CA10: variants seen among roughly 807,000 people sequenced by gnomAD.
The protein encoded by CA10 is carbonic anhydrase-related protein 10.
Under a neutral mutation model 44.2 loss-of-function variants are expected in CA10, and 14 were observed. The observed-to-expected ratio is 0.32, with a 90% CI of 0.21 to 0.50. The LOEUF (loss-of-function observed/expected upper bound fraction) is 0.50, where lower values mean the gene tolerates loss of function less well. CA10 is among the 20% of genes least tolerant of loss of function. CA10 has a pLI of 0.99. For missense variants in CA10, 350 were observed against 409.7 expected (o/e 0.85, Z 1.26); for synonymous variants, 159 against 141.6 (o/e 1.12, Z -0.87).
intron 4 of CA10, among the ~76,000 whole-genome samples, chr17:51,691,711 A>C (rs574991935): frequency 1.3e-5 from 2 of 152,332 alleles, no homozygotes; most frequent in South Asian, 4.1e-4. Context: ...CTTACATTTA[A>C]GTCTTTAATC....
At chr17:52,135,122 T>G in intron 1 of CA10, 1 of 377,062 alleles carries the variant, frequency 2.7e-6, no homozygotes, top group Non-Finnish European at 5.3e-6. Flanking sequence ...GGACCCCAGA[T>G]TAACCTTAAA....
chr17:51,773,120 C>A (rs1194180429), intron 3 of CA10, among the ~76,000 whole-genome samples: 2 of 152,200 alleles, frequency 1.3e-5, no homozygotes, highest in Admixed American at 6.5e-5. Flanking sequence ...TGGTAAGTAT[C>A]TGTTGAGTAA....
At position 51,677,234 on chromosome 17, in the gene CA10, G is replaced by A. The variant is rs192030246; in HGVS notation, c.466-23498C>T. ...CTCATGTTCAATTGTAATACTCAGC[G>A]TTGGAGGTGAGGCCTGGTGGGAGGT... On this transcript the variant is annotated intron_variant, in intron 4 of 8. Coordinates refer to ENST00000451037, the MANE Select transcript of CA10 (RefSeq NM_020178.5). Among the ~76,000 whole-genome samples, 106 of 152,290 alleles carry A rather than the reference G, an allele frequency of 7.0e-4. No homozygotes were observed. In the Middle Eastern group the frequency reaches 0.014, roughly 20 times the overall value.
chr17:52,101,243 T>C (rs1988532832), intron 1 of CA10, among the ~76,000 whole-genome samples: 1 of 152,222 alleles, frequency 6.6e-6, no homozygotes. Flanking sequence ...ATCTGACTAA[T>C]TTCTGCAACA....
intron 2 of CA10, among the ~76,000 whole-genome samples, chr17:51,951,808 C>T (rs969178374): frequency 4.6e-5 from 7 of 152,150 alleles, no homozygotes; most frequent in Middle Eastern, 3.2e-3. Flanking sequence ...CCTCGTGGAA[C>T]CTGCTGAGGT....
At chr17:51,737,302 A>C (rs962075322) in intron 4 of CA10, among the ~76,000 whole-genome samples, 3 of 152,172 alleles carry the variant, frequency 2.0e-5, no homozygotes, top group Admixed American at 6.5e-5. Flanking sequence ...CCCTAAGCAC[A>C]ATGCCTGAGA....
At chr17:51,691,026 C>G (rs1915176133) in intron 4 of CA10, among the ~76,000 whole-genome samples, 1 of 152,106 alleles carries the variant, frequency 6.6e-6, no homozygotes, top group Non-Finnish European at 1.5e-5. Context: ...AGAAATAATG[C>G]TGCAACAAAT....
At chr17:51,809,792 A>T (rs555247671) in intron 3 of CA10, among the ~76,000 whole-genome samples, 2 of 152,286 alleles carry the variant, frequency 1.3e-5, no homozygotes, top group East Asian at 3.9e-4. Context: ...GAAGGGAAGG[A>T]TGTGCTGGGT....
chr17:51,977,250 A>T (rs1984494841), intron 2 of CA10, among the ~76,000 whole-genome samples: 1 of 151,940 alleles, frequency 6.6e-6, no homozygotes, highest in Non-Finnish European at 1.5e-5. Context: ...CAAAATCCTG[A>T]CCAATACCTC....
chr17:51,748,552 A>G (rs78976133), intron 3 of CA10: 113 of 169,436 alleles, frequency 6.7e-4, no homozygotes, highest in Middle Eastern at 3.5e-3. Flanking sequence ...TGTGACCTCA[A>G]CAACAATTGA....
intron 4 of CA10, among the ~76,000 whole-genome samples, chr17:51,662,510 G>T (rs1217168490): frequency 6.6e-6 from 1 of 152,206 alleles, no homozygotes; most frequent in Non-Finnish European, 1.5e-5. Flanking sequence ...GAAAAGGAAA[G>T]GTGTTCTGTA....
chr17:51,779,998 G>A (rs1168866614), intron 3 of CA10, among the ~76,000 whole-genome samples: 1 of 152,120 alleles, frequency 6.6e-6, no homozygotes. Flanking sequence ...AGTGAGTAGT[G>A]TTCTGATCTA....
chr17:51,834,819 G>T (rs1908416092), intron 3 of CA10, among the ~76,000 whole-genome samples: 1 of 152,210 alleles, frequency 6.6e-6, no homozygotes, highest in South Asian at 2.1e-4. Context: ...GGGAATTAAA[G>T]ATACTCATTA....
At chr17:51,881,532 A>T (rs900632185) in intron 3 of CA10, among the ~76,000 whole-genome samples, 1 of 152,128 alleles carries the variant, frequency 6.6e-6, no homozygotes, top group Non-Finnish European at 1.5e-5. Context: ...CTAAAACATA[A>T]GAATGGTTAA....
Position 51,635,904 on chromosome 17 carries a change from G to C in CA10, c.740C>G (p.Thr247Arg). The C allele has an allele frequency of 6.2e-7, 1 of 1,608,874 alleles. No individual in the cohort carries two copies. Among genetic ancestry groups the C allele is most frequent in the Non-Finnish European group, 8.5e-7 (1 of 1,176,630 alleles). The change falls in exon 7 of 9, where the codon ACA becomes AGA. Residue 247 changes from threonine (T) to arginine (R), a missense_variant. By Grantham distance (71) the Thr-to-Arg change is moderately conservative. Coordinates refer to ENST00000451037, the MANE Select transcript of CA10 (RefSeq NM_020178.5). ...TTTGTTCATTATGATCCAACTTGCT[G>C]TCTCATAGCAGGGTGGGATAGTCAT... ...GSMTIPPCYE[T>R]ASWIIMNKPV...
intron 2 of CA10, among the ~76,000 whole-genome samples, chr17:51,941,404 T>G (rs962117381): frequency 2.6e-5 from 4 of 152,176 alleles, no homozygotes; most frequent in African/African-American, 9.6e-5. Context: ...AACAGTTGTA[T>G]TAAGCATTAT....
chr17:51,881,053 C>T (rs989532617), intron 3 of CA10, among the ~76,000 whole-genome samples: 7 of 151,422 alleles, frequency 4.6e-5, no homozygotes, highest in Non-Finnish European at 7.4e-5. Context: ...CTGGCTAATA[C>T]GGTGAAACCC....
intron 4 of CA10, among the ~76,000 whole-genome samples, chr17:51,698,617 T>G (rs559992207): frequency 6.6e-6 from 1 of 152,332 alleles, no homozygotes; most frequent in South Asian, 2.1e-4. Flanking sequence ...AAATACACAA[T>G]ACGGTATTGT....
chr17:51,697,139 T>C (rs1471026253), intron 4 of CA10, among the ~76,000 whole-genome samples: 2 of 151,734 alleles, frequency 1.3e-5, no homozygotes, highest in Non-Finnish European at 1.5e-5. Flanking sequence ...CCATCACCTA[T>C]GTACTATCTC....
Sources: allele counts gnomAD v4.1 joint callset (sites outside exome capture counted in the v4.1 genomes callset), GRCh38; gene constraint gnomAD v4.1.1; transcripts MANE v1.5; gene names NCBI Gene and HGNC (gene_info 2026-07-23, HGNC 2026-07-21).